PRKAG2: variants seen among roughly 807,000 people sequenced by gnomAD.
The protein encoded by PRKAG2 is 5'-AMP-activated protein kinase subunit gamma-2.
In PRKAG2, 26 loss-of-function variants were observed where a neutral mutation model predicts 69.6. The observed-to-expected ratio is 0.37, with a 90% CI of 0.27 to 0.52. PRKAG2 has a LOEUF of 0.52. Among genes scored for constraint, PRKAG2 ranks in the 20% least tolerant of loss-of-function variants. The pLI is 0.90. For synonymous variants in PRKAG2, 293 were observed against 285.0 expected, an observed-to-expected ratio of 1.03 and a Z score of -0.28; for missense variants, 557 against 740.0, an observed-to-expected ratio of 0.75 and a Z score of 2.87.
rs1221467653 is a variant in PRKAG2 at position 151,638,334 on chromosome 7, T to TA, written c.685-6197dup. On this transcript the variant is annotated intron_variant, in intron 4 of 15. Coordinates refer to ENST00000287878, the MANE Select transcript of PRKAG2 (RefSeq NM_016203.4). This position sits in a 1 kb window ranked among gnomAD's most constrained non-coding sequence, Gnocchi z 4.3. ...ATCACAAGTGTGACTTCTTGGTTGG[T>TA]AAAAAATGCTAAATTATTATCCCGG... Among the ~76,000 whole-genome samples the TA allele has an allele frequency of 1.6e-4, 25 of 152,224 alleles. No homozygotes were observed. The highest frequency in any genetic ancestry group is 1.5e-3 in the Admixed American group (23 of 15,284).
rs747840565 is a variant in PRKAG2, at chr7:151,565,755, C to T, written c.1364G>A (p.Arg455Lys). 1 of 1,613,944 alleles carries T rather than the reference C, an allele frequency of 6.2e-7. No homozygotes were observed. Among genetic ancestry groups the T allele is most frequent in the East Asian group, 2.2e-5 (1 of 44,886 alleles). Residue 455 changes from arginine to lysine, a missense_variant, in exon 12 of 16, where the codon AGA becomes AAA. This residue lies in a region of PRKAG2 where 205 missense variants were observed against 383.4 expected (regional missense o/e 0.53). Transcript: ENST00000287878. ...CACAACAGGCAGAGCTGATATTCGT[C>T]TTTCCACAAATATGTTCAAGGCTTT... ...IIKALNIFVE[R>K]RISALPVVDE...
intron 1 of PRKAG2, among the ~76,000 whole-genome samples, chr7:151,834,638 G>C (rs1451390482): frequency 6.6e-6 from 1 of 152,232 alleles, no homozygotes; most frequent in African/African-American, 2.4e-5. Context: ...GCTGGAATGT[G>C]GACCATCTGG....
intron 1 of PRKAG2, among the ~76,000 whole-genome samples, chr7:151,804,060 C>A (rs552227422): frequency 6.6e-6 from 1 of 152,178 alleles, no homozygotes; most frequent in East Asian, 1.9e-4. Context: ...CTTTTAGTTG[C>A]GTAGACAGCT....
chr7:151,558,094 GCTCC>G, intron 15 of PRKAG2: 1 of 985,328 alleles, frequency 1.0e-6, no homozygotes, highest in Non-Finnish European at 1.2e-6. Context: ...AAACACCGTA[GCTCC>G]TGGCATCAGA....
intron 3 of PRKAG2, among the ~76,000 whole-genome samples, chr7:151,767,705 A>G (rs1477923495): frequency 6.6e-6 from 1 of 152,240 alleles, no homozygotes; most frequent in Non-Finnish European, 1.5e-5. Flanking sequence ...AGTGCATGTG[A>G]GTGAGGCTCA....
At chr7:151,692,902 G>A (rs917857962) in intron 3 of PRKAG2, among the ~76,000 whole-genome samples, 5 of 152,138 alleles carry the variant, frequency 3.3e-5, no homozygotes, top group African/African-American at 1.2e-4. Flanking sequence ...AAGGAGCGAG[G>A]TCTCAGAGGC....
intron 1 of PRKAG2, among the ~76,000 whole-genome samples, chr7:151,859,661 G>C (rs2079870013): frequency 6.6e-6 from 1 of 152,216 alleles, no homozygotes; most frequent in African/African-American, 2.4e-5. Context: ...CACAGTGCCA[G>C]AGCTGTCCCT....
rs575154994 is a variant in PRKAG2, at chr7:151,631,965, C to T, written c.754+104G>A. 408 of 1,072,470 alleles carry T rather than the reference C, an allele frequency of 3.8e-4. 2 individuals carry two copies. The African/African-American group carries it at 6.3e-3, about 17-fold the overall frequency. 66.4% of individuals were successfully genotyped at this position (1,072,470 alleles called of 1,614,324 possible). On this transcript the variant is annotated intron_variant, in intron 5 of 15. Transcript: ENST00000287878. ...TGGGCTTCCGCAGGACGCAGCTCGC[C>T]GTGGGGCAGCGCCGGAGATGGGGCG...
At position 151,567,904 on chromosome 7, in the gene PRKAG2, T is replaced by G. The variant is rs1806627390; in HGVS notation, c.1233+812A>C. Among the ~76,000 whole-genome samples the G allele has an allele frequency of 6.6e-6, 1 of 152,126 alleles. No individual in the cohort carries two copies. The highest frequency in any genetic ancestry group is 2.1e-4 in the South Asian group (1 of 4,824). Reference sequence around the variant, plus strand: ...TATGTTAGGTCCTTAGGTGAAGCCATGGGGAGGAAAATGGGAAAGCTAATT... The same window carrying G: ...TATGTTAGGTCCTTAGGTGAAGCCAGGGGGAGGAAAATGGGAAAGCTAATT... On this transcript the variant is annotated intron_variant, in intron 11 of 15. Transcript: ENST00000287878. This position sits in a 1 kb window ranked among gnomAD's most constrained non-coding sequence, Gnocchi z 4.2.
chr7:151,684,377 C>A (rs1276905882), intron 3 of PRKAG2, among the ~76,000 whole-genome samples: 1 of 152,232 alleles, frequency 6.6e-6, no homozygotes, highest in East Asian at 1.9e-4. Flanking sequence ...CAGCTGAGCT[C>A]TGGGGCCAGA....
chr7:151,577,608 T>C (rs938918583), intron 6 of PRKAG2, among the ~76,000 whole-genome samples: 18 of 152,204 alleles, frequency 1.2e-4, no homozygotes, highest in African/African-American at 4.3e-4. Context: ...AAAGTATTCA[T>C]ATTGCTTGTG....
rs1361674763 is a variant in PRKAG2 at position 151,800,344 on chromosome 7, C to A, written c.115-13803G>T. Among the ~76,000 whole-genome samples the A allele has an allele frequency of 4.4e-5, 6 of 137,288 alleles. No individual in the cohort carries two copies. In the East Asian group the frequency reaches 1.0e-3, roughly 24 times the overall value. The allele number at this position is 137,288 out of a possible 152,430, so 90.1% of individuals were successfully genotyped here. On this transcript the variant is annotated intron_variant, in intron 1 of 15. Transcript: ENST00000287878. ...CTGCACTCCAGCCTGGGCGACAGAG[C>A]GAGACTCTGTCTCAAAAAAAAAAAA... is the stretch of plus-strand genomic sequence containing the variant.
intron 6 of PRKAG2, among the ~76,000 whole-genome samples, chr7:151,591,391 G>A (rs565314705): frequency 2.6e-5 from 4 of 152,340 alleles, no homozygotes; most frequent in African/African-American, 9.6e-5. Context: ...CCCATGCGCT[G>A]ATAGCGGTGT....
At chr7:151,610,492 C>T (rs901419150) in intron 5 of PRKAG2, among the ~76,000 whole-genome samples, 21 of 152,028 alleles carry the variant, frequency 1.4e-4, no homozygotes, top group African/African-American at 4.6e-4. Context: ...TCCTGACCAA[C>T]ATGGTGAAAC....
At chr7:151,637,723 T>TTTA (rs759572303) in intron 4 of PRKAG2, among the ~76,000 whole-genome samples, 1 of 151,304 alleles carries the variant, frequency 6.6e-6, no homozygotes, top group Non-Finnish European at 1.5e-5. Flanking sequence ...TTTTTTTTTT[T>TTTA]ATAACACACT....
intron 3 of PRKAG2, among the ~76,000 whole-genome samples, chr7:151,717,252 G>GAAAAAAAA (rs79756428): frequency 1.1e-5 from 1 of 94,116 alleles, no homozygotes; most frequent in Admixed American, 1.1e-4. Context: ...ATGTCAAAAA[G>GAAAAAAAA]AAAAAAAAAA....
At chr7:151,589,234 T>C (rs372867557) in intron 6 of PRKAG2, among the ~76,000 whole-genome samples, 67 of 152,226 alleles carry the variant, frequency 4.4e-4, no homozygotes, top group African/African-American at 1.6e-3. Context: ...TGAATACAGT[T>C]TGTTGTTTTC....
chr7:151,811,024 G>A (rs566937167), intron 1 of PRKAG2, among the ~76,000 whole-genome samples: 1 of 152,282 alleles, frequency 6.6e-6, no homozygotes, highest in East Asian at 1.9e-4. Flanking sequence ...TGTGTGACAG[G>A]TGGGGCAGAA....
chr7:151,624,631 T>C (rs1461457497), intron 5 of PRKAG2, among the ~76,000 whole-genome samples: 1 of 152,152 alleles, frequency 6.6e-6, no homozygotes, highest in African/African-American at 2.4e-5. Flanking sequence ...GGCGATTTCC[T>C]CGGATGCCAG....
Sources: gnomAD v4.1 joint callset for allele counts (sites outside exome capture counted in the v4.1 genomes callset) on GRCh38, gnomAD v4.1.1 for gene constraint, gnomAD v4.1.1 regional missense constraint, Gnocchi (gnomAD v3.1) non-coding constraint, MANE v1.5 for transcripts, NCBI Gene and HGNC (gene_info 2026-07-23, HGNC 2026-07-21) for gene names.